The following GOLGA8M variants were observed in gnomAD, a reference collection of about 807,000 sequenced individuals.
The protein encoded by GOLGA8M is golgin subfamily A member 8M.
GOLGA8M carries 34 observed loss-of-function variants against 87.7 expected under a neutral mutation model. The ratio of observed to expected loss-of-function variants is 0.39; its 90% confidence interval spans 0.29 to 0.52. The LOEUF (loss-of-function observed/expected upper bound fraction) is 0.52, where lower values mean the gene tolerates loss of function less well. GOLGA8M is among the 20% of genes least tolerant of loss of function. The pLI, the probability that GOLGA8M is intolerant of heterozygous loss-of-function variation, is 0.80. For missense variants in GOLGA8M, 396 were observed against 682.2 expected (o/e 0.58, Z 4.67); for synonymous variants, 138 against 250.2 (o/e 0.55, Z 4.23).
chr15:28,702,821 G>A, intron 15 of GOLGA8M, 76 bp from the exon 16 acceptor site: 2 of 1,575,128 alleles, frequency 1.3e-6, no homozygotes, highest in East Asian at 2.4e-5. Context: ...TGGAGAAGGT[G>A]GAGGTGAGTC....
chr15:28,704,993 T>A, intron 13 of GOLGA8M, 166 bp downstream of exon 13: 1 of 1,124,320 alleles, frequency 8.9e-7, no homozygotes, highest in Non-Finnish European at 1.3e-6. Flanking sequence ...CTACCCACCT[T>A]TAAAAGTCAG....
intron 13 of GOLGA8M, chr15:28,704,871 G>C (rs1275403877): frequency 1.6e-6 from 1 of 625,058 alleles, no homozygotes; most frequent in Admixed American, 2.8e-5. Flanking sequence ...ATAGGCATGA[G>C]CCACTGCACC....
Position 28,705,684 on chromosome 15 carries a change from G to A in GOLGA8M, c.930C>T (p.His310=), listed in dbSNP as rs1253935031. The A allele has an allele frequency of 6.3e-7, 1 of 1,582,416 alleles. No individual in the cohort carries two copies. Among genetic ancestry groups the A allele is most frequent in the Non-Finnish European group, 8.5e-7 (1 of 1,174,924 alleles). ...CCACTCTCTCTAGTTCCTTCCTCAG[G>A]TGCTGCAGCTCCACCTCAGAGGGCA... The part of the protein sequence containing the change: ...PAVPSEVELQ[H]LRKELERVAG... Residue 310 remains histidine, a synonymous_variant, in exon 12 of 19, where the codon CAC becomes CAT. Transcript: ENST00000563027.
intron 1 of GOLGA8M, chr15:28,711,879 G>A (rs1424369537): frequency 1.3e-4 from 130 of 984,830 alleles, no homozygotes; most frequent in Non-Finnish European, 1.5e-4. Flanking sequence ...CAGGAGGGGA[G>A]GGCAGAGTCT....
chr15:28,711,889 T>A, intron 1 of GOLGA8M: 1 of 985,048 alleles, frequency 1.0e-6, no homozygotes, highest in Non-Finnish European at 1.2e-6. Flanking sequence ...GGGCAGAGTC[T>A]GCAGCAGGGA....
upstream of GOLGA8M, among the ~76,000 whole-genome samples, chr15:28,712,597 CG>C (rs1422074481): frequency 1.3e-5 from 2 of 150,862 alleles, no homozygotes; most frequent in African/African-American, 4.9e-5. Flanking sequence ...GACCGCTCTC[CG>C]CACCCACTCT....
Position 28,702,041 on chromosome 15 carries a change from C to T in GOLGA8M, c.1812G>A (p.Val604=). 1.3e-6 allele frequency: 2 copies of T among 1,596,400 alleles called. No homozygotes were observed. The highest frequency in any genetic ancestry group is 1.7e-6 in the Non-Finnish European group (2 of 1,179,454). The change falls in exon 19 of 19, where the codon GTG becomes GTA. Residue 604 remains valine, a synonymous_variant. Coordinates refer to ENST00000563027, the MANE Select transcript of GOLGA8M (RefSeq NM_001282468.3). ...AGCCTGGGTGCTCCTGGTGGTCCTG[C>T]ACGATCGGCTGTGCAGTAGGCTTGT... ...LLDKPTAQPI[V]QDHQEHPGLG...
rs1756372928 is a variant in GOLGA8M, at chr15:28,698,761, AAAC to A, written c.*3190_*3192del. ...AACGCAAAATAAAATTTTAAGGCAA[AAAC>A]AACACATTCAAACAACTTAATAATT... On this transcript the variant is annotated 3_prime_UTR_variant, in exon 19 of 19. Transcript: ENST00000563027. Among the ~76,000 whole-genome samples the A allele has an allele frequency of 6.8e-6, 1 of 146,574 alleles. No homozygotes were observed. Among genetic ancestry groups the A allele is most frequent in the African/African-American group, 2.6e-5 (1 of 38,216 alleles).
chr15:28,702,545 A>G lies in GOLGA8M; in HGVS notation c.1487T>C (p.Leu496Ser), dbSNP rs745883574. 7 of 1,604,832 alleles carry G rather than the reference A, an allele frequency of 4.4e-6. No homozygotes were observed. In the African/African-American group the frequency reaches 6.7e-5, roughly 15 times the overall value. The change falls in exon 17 of 19, where the codon TTA (leucine) becomes TCA (serine). Residue 496 changes from leucine to serine, a missense_variant. Physicochemically the swap from Leu to Ser is moderately radical, Grantham distance 145 (BLOSUM62 -2). Around this residue, in one of 12 missense-constraint regions of GOLGA8M, gnomAD observed 173 missense variants for 150.2 expected, o/e 1.15. Transcript: ENST00000563027. ...ERCHQKIHHL[L>S]SEPGGRAKDA... ...TTTGGCACGGCCCCCTGGTTCTGATAAAAGGTGATGGATTTTCCTGCGGGA... is the reference window on the plus strand; with the variant it reads ...TTTGGCACGGCCCCCTGGTTCTGATGAAAGGTGATGGATTTTCCTGCGGGA...
In GOLGA8M at chr15:28,708,362, G is replaced by A. The variant is rs771283558; in HGVS notation, c.348+13C>T. On this transcript the variant is annotated intron_variant, in intron 5 of 18. Transcript: ENST00000563027. The stretch of plus-strand genomic sequence containing the variant: ...TCCAGCAGTCATGTTGCAAGGAAAC[G>A]AAATCACGTTACTTCTTCCAGCTGA... The A allele has an allele frequency of 5.1e-5, 82 of 1,594,156 alleles. No individual in the cohort carries two copies. The highest frequency in any genetic ancestry group is 6.1e-5 in the Non-Finnish European group (72 of 1,171,994).
In GOLGA8M at chr15:28,698,798, T is replaced by G. The variant is rs974427984; in HGVS notation, c.*3156A>C. On this transcript the variant is annotated 3_prime_UTR_variant, in exon 19 of 19. Transcript: ENST00000563027. ...CAAACAACTTAATAATTTATTACAT[T>G]ACAGTGGCATCACACCAGCAGTCAA... 6.9e-6 allele frequency among the ~76,000 whole-genome samples: 1 copy of G among 145,214 alleles called. No individual in the cohort carries two copies. Among genetic ancestry groups the G allele is most frequent in the African/African-American group, 2.6e-5 (1 of 37,858 alleles).
rs560669966 is a variant in GOLGA8M at position 28,701,555 on chromosome 15, G to T, written c.*399C>A. ...CAACAGCAGAACATAGGCAAATTTT[G>T]TCTGAATTCTGTAGTGAATATACAT... On this transcript the variant is annotated 3_prime_UTR_variant, in exon 19 of 19. Coordinates refer to ENST00000563027, the MANE Select transcript of GOLGA8M (RefSeq NM_001282468.3). 1.3e-3 allele frequency among the ~76,000 whole-genome samples: 190 copies of T among 150,914 alleles called. 5 individuals are homozygous for T. The South Asian group carries it at 0.035, about 28-fold the overall frequency.
rs1332871744 is a variant in GOLGA8M at position 28,698,591 on chromosome 15, TTAAC to T, written c.*3359_*3362del. Among the ~76,000 whole-genome samples the T allele has an allele frequency of 6.8e-6, 1 of 147,838 alleles. No homozygotes were observed. Among genetic ancestry groups the T allele is most frequent in the Non-Finnish European group, 1.5e-5 (1 of 67,818 alleles). ...TAAAACTTTAATAAAAGTTTTTTAA[TTAAC>T]CCATAACTTTTTTATTTTGGTTTTT... On this transcript the variant is annotated 3_prime_UTR_variant, in exon 19 of 19. Transcript: ENST00000563027.
In GOLGA8M at chr15:28,712,407, G is replaced by A. The variant is rs868438668; in HGVS notation, c.-84C>T. ...GATCAAGGCCTCCAGTCACCTTCCA[G>A]GCAGCTGTGTGACTGAGCCAGAGGA... On this transcript the variant is annotated 5_prime_UTR_variant, in exon 1 of 19. Transcript: ENST00000563027. The A allele has an allele frequency of 2.7e-5, 42 of 1,530,286 alleles. No homozygotes were observed. The African/African-American group carries it at 4.9e-4, about 18-fold the overall frequency. The allele number at this position is 1,530,286 out of a possible 1,614,324, so 94.8% of individuals were successfully genotyped here.
intron 2 of GOLGA8M, 83 bp downstream of exon 2, chr15:28,710,403 AG>A (rs2080163543): frequency 1.3e-6 from 1 of 743,798 alleles, no homozygotes; most frequent in African/African-American, 1.7e-5. Flanking sequence ...ACCCGTACCC[AG>A]CAGTCCATCC....
chr15:28,712,743 C>A (rs530553705), upstream of GOLGA8M, among the ~76,000 whole-genome samples: 94 of 152,204 alleles, frequency 6.2e-4, no homozygotes, highest in Non-Finnish European at 1.1e-3. Flanking sequence ...CTATGTTTTT[C>A]TCCATAGCTG....
rs961843475 is a variant in GOLGA8M at position 28,700,957 on chromosome 15, T to C, written c.*997A>G. On this transcript the variant is annotated 3_prime_UTR_variant, in exon 19 of 19. Transcript: ENST00000563027. ...AGGATTTCTTATGATCTTCACTAAA[T>C]ACATTAAGAAGAATGCCAACCAGTG... is the stretch of plus-strand genomic sequence containing the variant. 6.6e-6 allele frequency among the ~76,000 whole-genome samples: 1 copy of C among 152,160 alleles called. No individual in the cohort carries two copies. The highest frequency in any genetic ancestry group is 1.5e-5 in the Non-Finnish European group (1 of 68,024).
intron 1 of GOLGA8M, chr15:28,711,780 T>C (rs1274604456): frequency 1.0e-6 from 1 of 983,804 alleles, no homozygotes; most frequent in Non-Finnish European, 1.2e-6. Flanking sequence ...AAGTCGCTGC[T>C]CCACGATGGG....
chr15:28,701,990 G>C lies in GOLGA8M; in HGVS notation c.1863C>G (p.Phe621Leu), dbSNP rs200954809. 2.4e-4 allele frequency: 378 copies of C among 1,598,476 alleles called. 2 individuals are homozygous for C. Among genetic ancestry groups the C allele is most frequent in the Middle Eastern group, 1.1e-3 (5 of 4,446 alleles). The change falls in exon 19 of 19, where the codon TTC becomes TTG. Residue 621 changes from phenylalanine (F) to leucine (L), a missense_variant. By Grantham distance (22) the Phe-to-Leu change is conservative. This residue lies in a region of GOLGA8M where 35 missense variants were observed against 61.4 expected (regional missense o/e 0.57). Coordinates refer to ENST00000563027, the MANE Select transcript of GOLGA8M (RefSeq NM_001282468.3). ...TTCTTGGCAGCCAAGCCCAGCAAAA[G>C]AATGGCACACAGCAGTTGCTGCCCA... ...PGLGSNCCVP[F>L]FCWAWLPRRR...
Sources: gnomAD v4.1 joint callset for allele counts (sites outside exome capture counted in the v4.1 genomes callset) on GRCh38, gnomAD v4.1.1 for gene constraint, gnomAD v4.1.1 regional missense constraint, MANE v1.5 for transcripts, NCBI Gene and HGNC (gene_info 2026-07-23, HGNC 2026-07-21) for gene names.